The following GUCY1A1 variants were observed in gnomAD, a reference collection of about 807,000 sequenced individuals.
GUCY1A1 encodes guanylate cyclase soluble subunit alpha-1.
Under a neutral mutation model 64.5 loss-of-function variants are expected in GUCY1A1, and 48 were observed. The ratio of observed to expected loss-of-function variants is 0.74; its 90% CI spans 0.59 to 0.95. The LOEUF is 0.95. GUCY1A1 is among the 40% of genes least tolerant of loss of function. GUCY1A1 has a pLI of 0.00. For synonymous variants in GUCY1A1, 308 were observed against 303.4 expected (o/e 1.02, Z -0.16); for missense variants, 804 against 825.3 (o/e 0.97, Z 0.32).
chr4:155,697,349 G>C (rs1730551708), intron 3 of GUCY1A1, among the ~76,000 whole-genome samples: 1 of 152,126 alleles, frequency 6.6e-6, no homozygotes, highest in Non-Finnish European at 1.5e-5. Context: ...GAACACTGCA[G>C]TCTGACAAAC....
At chr4:155,722,305 A>G (rs1734069449) in intron 9 of GUCY1A1, 113 bp downstream of exon 9, 1 of 1,468,368 alleles carries the variant, frequency 6.8e-7, no homozygotes, top group Non-Finnish European at 9.0e-7. Flanking sequence ...AGTCGTAAGG[A>G]AAAAAGAAAC....
intron 2 of GUCY1A1, among the ~76,000 whole-genome samples, chr4:155,681,763 T>C (rs1458038781): frequency 6.6e-6 from 1 of 152,216 alleles, no homozygotes; most frequent in Non-Finnish European, 1.5e-5. Flanking sequence ...ATATGTAGCC[T>C]CTTGATCTTA....
chr4:155,677,864 A>G (rs943023875), intron 2 of GUCY1A1, among the ~76,000 whole-genome samples: 8 of 151,952 alleles, frequency 5.3e-5, no homozygotes, highest in Non-Finnish European at 1.2e-4. Context: ...AAATATATAT[A>G]TATGTATATA....
rs772606988 is a variant in GUCY1A1 at position 155,733,191 on chromosome 4, A to G, written c.*2960A>G. Among the ~76,000 whole-genome samples, 1 of 151,848 alleles carries G rather than the reference A, an allele frequency of 6.6e-6. No individual in the cohort carries two copies. Among genetic ancestry groups the G allele is most frequent in the Non-Finnish European group, 1.5e-5 (1 of 67,880 alleles). The stretch of plus-strand genomic sequence containing the variant: ...AAATTTAAGGATAAAATATGGCCCA[A>G]TCTATCAAGAAAGGAAAGTGAAAGA... On this transcript the variant is annotated 3_prime_UTR_variant, in exon 10 of 10. Transcript: ENST00000506455.
chr4:155,715,361 C>G (rs1733088215), intron 7 of GUCY1A1, among the ~76,000 whole-genome samples: 1 of 151,980 alleles, frequency 6.6e-6, no homozygotes, highest in Admixed American at 6.6e-5. Context: ...ATTTTATTTT[C>G]TCTCTGTCTT....
At position 155,730,518 on chromosome 4, in the gene GUCY1A1, A is replaced by G. The variant is rs80046674; in HGVS notation, c.*287A>G. On this transcript the variant is annotated 3_prime_UTR_variant, in exon 10 of 10. Transcript: ENST00000506455. ...ACTCAAAATTCAGCACCTTGTACAT[A>G]TATCAGATAATTGTAGTCAATTGTA... 2.2e-3 allele frequency: 512 copies of G among 228,540 alleles called. 2 individuals are homozygous for G. Among genetic ancestry groups the G allele is most frequent in the African/African-American group, 0.011 (482 of 44,336 alleles). 14.2% of individuals were successfully genotyped at this position (228,540 alleles called of 1,614,324 possible). A position where few individuals can be genotyped will look rare whatever the true frequency, so the allele number is the denominator to read the frequency against.
intron 2 of GUCY1A1, among the ~76,000 whole-genome samples, chr4:155,680,949 G>T (rs200951703): frequency 7.3e-6 from 1 of 136,318 alleles, no homozygotes; most frequent in South Asian, 2.3e-4. Context: ...ACACACACAT[G>T]CACACACACA....
At chr4:155,690,953 G>T (rs58369304) in intron 2 of GUCY1A1, among the ~76,000 whole-genome samples, 2 of 152,054 alleles carry the variant, frequency 1.3e-5, no homozygotes, top group Non-Finnish European at 2.9e-5. Context: ...GCATGAATGC[G>T]TGAATGATGT....
At chr4:155,721,770 T>G (rs1403215733) in intron 8 of GUCY1A1, among the ~76,000 whole-genome samples, 1 of 152,140 alleles carries the variant, frequency 6.6e-6, no homozygotes, top group African/African-American at 2.4e-5. Flanking sequence ...GCATGGAAAC[T>G]TGTTTCAGAT....
chr4:155,716,094 T>C (rs1031391216), intron 7 of GUCY1A1, among the ~76,000 whole-genome samples: 1 of 152,082 alleles, frequency 6.6e-6, no homozygotes, highest in African/African-American at 2.4e-5. Flanking sequence ...GGGAGCATGT[T>C]TGATGTGCTT....
At chr4:155,724,369 G>T (rs1281061075) in intron 9 of GUCY1A1, among the ~76,000 whole-genome samples, 1 of 151,968 alleles carries the variant, frequency 6.6e-6, no homozygotes, top group Non-Finnish European at 1.5e-5. Context: ...TTCAATTTCT[G>T]CTCTGTTTTA....
chr4:155,673,399 G>A (rs1734426492), intron 2 of GUCY1A1, among the ~76,000 whole-genome samples: 1 of 151,524 alleles, frequency 6.6e-6, no homozygotes, highest in South Asian at 2.1e-4. Context: ...CATAATATTT[G>A]TAGAATAGTT....
intron 3 of GUCY1A1, among the ~76,000 whole-genome samples, chr4:155,698,909 GGT>G (rs1259795813): frequency 6.6e-6 from 1 of 151,748 alleles, no homozygotes; most frequent in African/African-American, 2.4e-5. Context: ...CTATTTTTGT[GGT>G]TATCTCTTTG....
At chr4:155,723,023 C>T (rs1177951581) in intron 9 of GUCY1A1, among the ~76,000 whole-genome samples, 1 of 152,134 alleles carries the variant, frequency 6.6e-6, no homozygotes, top group Admixed American at 6.6e-5. Flanking sequence ...GTTAGGCTAA[C>T]ACAAAACCCC....
At chr4:155,679,099 T>A (rs949750250) in intron 2 of GUCY1A1, among the ~76,000 whole-genome samples, 2 of 152,224 alleles carry the variant, frequency 1.3e-5, no homozygotes, top group African/African-American at 2.4e-5. Context: ...TGTGTTTTTG[T>A]TTATGTAATA....
intron 4 of GUCY1A1, 63 bp downstream of exon 4, chr4:155,704,056 G>T: frequency 1.1e-6 from 1 of 922,862 alleles, no homozygotes; most frequent in Non-Finnish European, 1.7e-6. Flanking sequence ...GCTACTAATG[G>T]CCAGCAGTTA....
rs1431588602 is a variant in GUCY1A1 at position 155,731,022 on chromosome 4, A to G, written c.*791A>G. 2 of 153,424 alleles carry G rather than the reference A, an allele frequency of 1.3e-5. No individual in the cohort carries two copies. Among genetic ancestry groups the G allele is most frequent in the African/African-American group, 4.8e-5 (2 of 41,404 alleles). The allele number at this position is 153,424 out of a possible 1,614,324, so 9.5% of individuals were successfully genotyped here. A position where few individuals can be genotyped will look rare whatever the true frequency, so the allele number is the denominator to read the frequency against. On this transcript the variant is annotated 3_prime_UTR_variant, in exon 10 of 10. Coordinates refer to ENST00000506455, the MANE Select transcript of GUCY1A1 (RefSeq NM_001130682.3). ...ACTATCATAATAGCAAAGTATTCAG[A>G]ATAAAAGAGGTTTATATCTTCTATT...
In GUCY1A1 at chr4:155,733,485, G is replaced by C. The variant is rs1339988806; in HGVS notation, c.*3254G>C. On this transcript the variant is annotated 3_prime_UTR_variant, in exon 10 of 10. Transcript: ENST00000506455. ...GAAGGGGTATGTGTGTCATGTAAAG[G>C]TGTGCCATGATAGTTATTCATATTG... Among the ~76,000 whole-genome samples, 1 of 151,580 alleles carries C rather than the reference G, an allele frequency of 6.6e-6. No homozygotes were observed. Among genetic ancestry groups the C allele is most frequent in the Non-Finnish European group, 1.5e-5 (1 of 67,830 alleles).
chr4:155,730,141 A>G lies in GUCY1A1; in HGVS notation c.1983A>G (p.Gln661=). ...PGICHFLDAY[Q]QGTNSKPCFQ... Reference sequence around the variant, plus strand: ...TCTGCCATTTTCTGGATGCTTACCAACAAGGAACAAACTCAAAACCATGCT... The same window carrying G: ...TCTGCCATTTTCTGGATGCTTACCAGCAAGGAACAAACTCAAAACCATGCT... Residue 661 remains glutamine (Q), a synonymous_variant, in exon 10 of 10, where the codon CAA becomes CAG. Transcript: ENST00000506455. 1 of 1,611,908 alleles carries G rather than the reference A, an allele frequency of 6.2e-7. No individual in the cohort carries two copies. The highest frequency in any genetic ancestry group is 8.5e-7 in the Non-Finnish European group (1 of 1,178,430).
Sources: allele counts gnomAD v4.1 joint callset (sites outside exome capture counted in the v4.1 genomes callset), GRCh38; gene constraint gnomAD v4.1.1; transcripts MANE v1.5; gene names NCBI Gene and HGNC (gene_info 2026-07-23, HGNC 2026-07-21).